CHCHD6: variants seen among roughly 807,000 people sequenced by gnomAD.
CHCHD6 encodes coiled-coil-helix-coiled-coil-helix domain containing 6, also known as MICOS complex subunit MIC25.
CHCHD6 carries 28 observed loss-of-function variants against 32.3 expected under a neutral mutation model. The ratio of observed to expected loss-of-function variants is 0.87; its 90% CI spans 0.64 to 1.19. The LOEUF (loss-of-function observed/expected upper bound fraction) is 1.19. Among genes scored for constraint, CHCHD6 ranks in the 50% most tolerant of loss-of-function variants. CHCHD6 has a pLI of 0.00. For missense variants in CHCHD6, 333 were observed against 307.0 expected, an observed-to-expected ratio of 1.08 and a Z score of -0.63; for synonymous variants, 122 against 117.5, an observed-to-expected ratio of 1.04 and a Z score of -0.25.
At chr3:126,857,488 C>T (rs1941700709) in intron 5 of CHCHD6, among the ~76,000 whole-genome samples, 1 of 152,250 alleles carries the variant, frequency 6.6e-6, no homozygotes, top group East Asian at 1.9e-4. Context: ...TGCTGCCGAT[C>T]GAACTTTCTT....
intron 1 of CHCHD6, among the ~76,000 whole-genome samples, chr3:126,707,311 C>G (rs996892199): frequency 6.6e-6 from 1 of 151,104 alleles, no homozygotes; most frequent in African/African-American, 2.4e-5. Flanking sequence ...AGTTTACATA[C>G]TTAGTTTGCA....
intron 5 of CHCHD6, among the ~76,000 whole-genome samples, chr3:126,859,445 A>G (rs539825033): frequency 7.2e-5 from 11 of 152,188 alleles, no homozygotes; most frequent in Non-Finnish European, 1.3e-4. Context: ...CTACACTTGG[A>G]GAAGGTTGTA....
At chr3:126,862,212 C>A (rs1941930358) in intron 5 of CHCHD6, among the ~76,000 whole-genome samples, 1 of 118,040 alleles carries the variant, frequency 8.5e-6, no homozygotes. Flanking sequence ...CCTCCACCAT[C>A]ATCACCACCT....
Position 126,744,649 on chromosome 3 carries a change from T to C in CHCHD6, c.411+11427T>C, listed in dbSNP as rs908102160. On this transcript the variant is annotated intron_variant, in intron 4 of 7. Transcript: ENST00000290913. ...CAGGGGCAGCCATCCCAGGTGGTTA[T>C]GGTAGCTTCGTGCCTCAGAGGGATC... is the stretch of plus-strand genomic sequence containing the variant. 2.0e-5 allele frequency among the ~76,000 whole-genome samples: 3 copies of C among 152,266 alleles called. 1 individual carries two copies.
chr3:126,766,151 A>G (rs1459582560), intron 4 of CHCHD6, among the ~76,000 whole-genome samples: 1 of 152,110 alleles, frequency 6.6e-6, no homozygotes, highest in African/African-American at 2.4e-5. Flanking sequence ...TTAAAAAAAA[A>G]CCTAGATTGC....
At chr3:126,839,254 C>T (rs72980828) in intron 4 of CHCHD6, among the ~76,000 whole-genome samples, 4,310 of 152,122 alleles carry the variant, frequency 0.028, 137 homozygotes, top group East Asian at 0.14. Context: ...ACAATTTAGC[C>T]CCTAGCCTCC....
At chr3:126,864,579 T>TCTCCACCTCCACCACCTCCTTCTC (rs370375808) in intron 5 of CHCHD6, among the ~76,000 whole-genome samples, 12 of 59,590 alleles carry the variant, frequency 2.0e-4, no homozygotes, top group East Asian at 1.4e-3. Flanking sequence ...ACCACCTCCT[T>TCTCCACCTCCACCACCTCCTTCTC]CTCCACCTCC....
chr3:126,874,025 G>A (rs1455956242), intron 5 of CHCHD6, among the ~76,000 whole-genome samples: 1 of 152,190 alleles, frequency 6.6e-6, no homozygotes, highest in Non-Finnish European at 1.5e-5. Context: ...GATGGCCCCT[G>A]CCCCGCAGAA....
At chr3:126,857,566 C>T (rs1941705812) in intron 5 of CHCHD6, among the ~76,000 whole-genome samples, 1 of 152,154 alleles carries the variant, frequency 6.6e-6, no homozygotes, top group Non-Finnish European at 1.5e-5. Context: ...AACAGACGTC[C>T]CTATCCCAGG....
chr3:126,773,023 C>CT (rs905560057), intron 4 of CHCHD6, among the ~76,000 whole-genome samples: 41 of 147,994 alleles, frequency 2.8e-4, no homozygotes, highest in South Asian at 1.1e-3. Flanking sequence ...CTTGGTTAGA[C>CT]TTTTTTTTTT....
At chr3:126,907,243 C>G (rs780240577) in intron 5 of CHCHD6, among the ~76,000 whole-genome samples, 111 of 152,308 alleles carry the variant, frequency 7.3e-4, no homozygotes, top group Non-Finnish European at 1.4e-3. Context: ...TTTAGGGTCT[C>G]TGCACACTTG....
chr3:126,802,126 G>C (rs1266643400), intron 4 of CHCHD6, among the ~76,000 whole-genome samples: 1 of 152,212 alleles, frequency 6.6e-6, no homozygotes, highest in African/African-American at 2.4e-5. Flanking sequence ...AAACAGAGCA[G>C]AAAAACTGGA....
intron 5 of CHCHD6, among the ~76,000 whole-genome samples, chr3:126,872,828 C>T (rs2077493663): frequency 6.6e-6 from 1 of 152,224 alleles, no homozygotes; most frequent in South Asian, 2.1e-4. Context: ...CTGCTCCTTC[C>T]CTGGGCTGTG....
Position 126,820,536 on chromosome 3 carries a change from T to C in CHCHD6, c.412-32111T>C, listed in dbSNP as rs570880558. On this transcript the variant is annotated intron_variant, in intron 4 of 7. Transcript: ENST00000290913. Reference sequence around the variant, plus strand: ...CTGTGACGTCTGTGAGGTTCACCCATGTATTTAGCAGTAGTTTGTTCTTTT... The same window carrying C: ...CTGTGACGTCTGTGAGGTTCACCCACGTATTTAGCAGTAGTTTGTTCTTTT... Among the ~76,000 whole-genome samples the C allele has an allele frequency of 2.0e-5, 3 of 152,342 alleles. No homozygotes were observed. In the South Asian group the frequency reaches 6.2e-4, roughly 32 times the overall value.
At chr3:126,872,426 C>G (rs988724860) in intron 5 of CHCHD6, among the ~76,000 whole-genome samples, 3 of 152,242 alleles carry the variant, frequency 2.0e-5, no homozygotes, top group South Asian at 2.1e-4. Flanking sequence ...TTGTATACCT[C>G]GTAATCACCT....
At chr3:126,788,845 A>G (rs1938371666) in intron 4 of CHCHD6, among the ~76,000 whole-genome samples, 1 of 151,760 alleles carries the variant, frequency 6.6e-6, no homozygotes, top group East Asian at 1.9e-4. Flanking sequence ...GATCTTAGTT[A>G]TTTCTTGCCT....
chr3:126,758,270 G>A (rs1937036730), intron 4 of CHCHD6, among the ~76,000 whole-genome samples: 1 of 152,242 alleles, frequency 6.6e-6, no homozygotes, highest in Non-Finnish European at 1.5e-5. Context: ...CCAGCCTGTA[G>A]CTGTGTCTGC....
At chr3:126,776,781 A>C (rs1937668386) in intron 4 of CHCHD6, among the ~76,000 whole-genome samples, 1 of 152,186 alleles carries the variant, frequency 6.6e-6, no homozygotes, top group Non-Finnish European at 1.5e-5. Context: ...CATAACCAAC[A>C]TCATTTTTTT....
At chr3:126,898,523 GTTAGT>G (rs1553754463) in intron 5 of CHCHD6, among the ~76,000 whole-genome samples, 19 of 152,184 alleles carry the variant, frequency 1.2e-4, no homozygotes, top group Non-Finnish European at 1.5e-4. Context: ...TATTTAGTTA[GTTAGT>G]TTAGTTTAGT....
Sources: gnomAD v4.1 joint callset for allele counts (sites outside exome capture counted in the v4.1 genomes callset) on GRCh38, gnomAD v4.1.1 for gene constraint, MANE v1.5 for transcripts, NCBI Gene and HGNC (gene_info 2026-07-23, HGNC 2026-07-21) for gene names.